ZNF280D: variants seen among roughly 807,000 people sequenced by gnomAD.
ZNF280D encodes zinc finger protein 280D.
ZNF280D carries 39 observed loss-of-function variants against 94.7 expected under a neutral mutation model. The observed-to-expected ratio is 0.41, with a 90% CI of 0.32 to 0.54. The LOEUF (loss-of-function observed/expected upper bound fraction) is 0.54. ZNF280D is among the 20% of genes least tolerant of loss of function. ZNF280D has a pLI of 0.22. For synonymous variants in ZNF280D, 398 were observed against 377.6 expected (o/e 1.05, Z -0.63); for missense variants, 1,090 against 1,149.3 (o/e 0.95, Z 0.75).
chr15:56,717,907 T>C (rs2058133138), intron 1 of ZNF280D, among the ~76,000 whole-genome samples: 1 of 152,020 alleles, frequency 6.6e-6, no homozygotes, highest in Non-Finnish European at 1.5e-5. Context: ...ACAAAACAAT[T>C]AGCAGTTAAA....
chr15:56,733,347 G>T, intron 1 of ZNF280D, 111 bp downstream of exon 1: 1 of 612,330 alleles, frequency 1.6e-6, no homozygotes, highest in Non-Finnish European at 2.0e-6. Flanking sequence ...GACGACCCGC[G>T]CCGGCCTCAA....
Position 56,635,207 on chromosome 15 carries a change from G to T in ZNF280D, c.2303C>A (p.Ser768Ter). 6.4e-7 allele frequency: 1 copy of T among 1,553,422 alleles called. No homozygotes were observed. Among genetic ancestry groups the T allele is most frequent in the Non-Finnish European group, 8.7e-7 (1 of 1,152,194 alleles). ...PNMAERETET[S>*]NSESKQDKAA... is the part of the protein sequence containing the mutation. ...TCCTTATATTTACCTTTCAGAATTT[G>T]ATGTTTCTGTTTCTCTTTCAGCCAT... Residue 768 changes from serine to a stop codon, truncating the protein, a stop_gained, in exon 21 of 22, where the codon TCA becomes TAA. Coordinates refer to ENST00000267807, the MANE Select transcript of ZNF280D (RefSeq NM_017661.4). LOFTEE classifies it low-confidence loss of function (END_TRUNC).
At chr15:56,698,566 T>C (rs1433801030) in intron 6 of ZNF280D, 2 of 152,210 alleles carry the variant, frequency 1.3e-5, no homozygotes, top group Non-Finnish European at 2.9e-5. Context: ...TCATTACCCA[T>C]AATCCCCAGG....
chr15:56,684,316 T>C (rs1375439229), intron 9 of ZNF280D, among the ~76,000 whole-genome samples: 2 of 152,094 alleles, frequency 1.3e-5, no homozygotes, highest in Non-Finnish European at 2.9e-5. Context: ...TACCATGTAA[T>C]AAAAGAAGGC....
chr15:56,637,842 TA>T (rs548373236), intron 20 of ZNF280D, among the ~76,000 whole-genome samples: 13 of 146,636 alleles, frequency 8.9e-5, no homozygotes, highest in East Asian at 2.0e-4. Flanking sequence ...CGAGACAAGT[TA>T]AAAAAAAAAA....
chr15:56,712,544 A>C (rs2057816000), intron 1 of ZNF280D, among the ~76,000 whole-genome samples: 1 of 131,654 alleles, frequency 7.6e-6, no homozygotes, highest in African/African-American at 2.9e-5. Flanking sequence ...CAGTGAGCCG[A>C]GACTGGGCCA....
intron 19 of ZNF280D, among the ~76,000 whole-genome samples, chr15:56,644,533 G>A (rs1183479412): frequency 6.6e-6 from 1 of 151,992 alleles, no homozygotes; most frequent in African/African-American, 2.4e-5. Context: ...AATTCAGTTT[G>A]AAAAACAAAT....
intron 17 of ZNF280D, among the ~76,000 whole-genome samples, chr15:56,655,167 G>A (rs1475831819): frequency 6.6e-6 from 1 of 152,200 alleles, no homozygotes; most frequent in East Asian, 1.9e-4. Context: ...ACTAGCTAAA[G>A]TAGTTAATAA....
rs188525794 is a variant in ZNF280D, at chr15:56,716,947, A to G, written c.-85-9641T>C. ...GCTTCACTTCCTCTGTATTGATTCT[A>G]TCCTCATAAAGGATCTCCATTGAGG... On this transcript the variant is annotated intron_variant, in intron 1 of 21. Coordinates refer to ENST00000267807, the MANE Select transcript of ZNF280D (RefSeq NM_017661.4). 3.4e-4 allele frequency among the ~76,000 whole-genome samples: 52 copies of G among 152,246 alleles called. 1 individual carries two copies. Among genetic ancestry groups the G allele is most frequent in the African/African-American group, 1.1e-3 (47 of 41,558 alleles).
intron 1 of ZNF280D, among the ~76,000 whole-genome samples, chr15:56,713,212 A>G (rs2057865284): frequency 6.6e-6 from 1 of 152,238 alleles, no homozygotes; most frequent in South Asian, 2.1e-4. Flanking sequence ...CCAAAACAAG[A>G]TATGATCAAC....
At chr15:56,700,795 T>G (rs1479204418) in intron 6 of ZNF280D, 138 bp downstream of exon 6, 4 of 1,548,880 alleles carry the variant, frequency 2.6e-6, no homozygotes, top group Non-Finnish European at 3.5e-6. Context: ...GAAAATATGG[T>G]GACATTTTCT....
In ZNF280D at chr15:56,698,339, C is replaced by A. The variant is rs566217575; in HGVS notation, c.381+2594G>T. On this transcript the variant is annotated intron_variant, in intron 6 of 21. Transcript: ENST00000267807. ...ATTATTTATGAACACCACCACCCAT[C>A]AGAAAACTCTTATTCAAAAGCTGCC... is the stretch of plus-strand genomic sequence containing the variant. 1.4e-4 allele frequency: 22 copies of A among 152,286 alleles called. 1 individual carries two copies. The highest frequency in any genetic ancestry group is 5.1e-4 in the African/African-American group (21 of 41,560). The allele number at this position is 152,286 out of a possible 1,614,324, so 9.4% of individuals were successfully genotyped here.
intron 6 of ZNF280D, among the ~76,000 whole-genome samples, chr15:56,696,986 TC>T (rs1339601321): frequency 2.0e-5 from 3 of 152,230 alleles, no homozygotes; most frequent in African/African-American, 7.2e-5. Context: ...TTATTTTTTT[TC>T]CCCATCCTCG....
intron 9 of ZNF280D, among the ~76,000 whole-genome samples, chr15:56,683,239 A>C (rs1460615155): frequency 6.6e-6 from 1 of 152,142 alleles, no homozygotes; most frequent in Non-Finnish European, 1.5e-5. Flanking sequence ...GACAACCAAA[A>C]ATGGACAACA....
intron 19 of ZNF280D, among the ~76,000 whole-genome samples, chr15:56,646,740 T>C (rs749179495): frequency 6.6e-6 from 1 of 152,192 alleles, no homozygotes; most frequent in African/African-American, 2.4e-5. Flanking sequence ...AGCAAATGTT[T>C]ACATTATGAA....
intron 3 of ZNF280D, 152 bp downstream of exon 3, chr15:56,706,930 A>G (rs1453727725): frequency 2.9e-6 from 2 of 678,870 alleles, no homozygotes; most frequent in African/African-American, 1.8e-5. Context: ...TTTTTTATTT[A>G]TATTACTTGT....
chr15:56,653,896 C>G (rs1022817029), intron 19 of ZNF280D: 2 of 1,254,168 alleles, frequency 1.6e-6, no homozygotes, highest in South Asian at 2.7e-5. Context: ...GAATAAGAAT[C>G]TAGTCCCATT....
intron 1 of ZNF280D, among the ~76,000 whole-genome samples, chr15:56,720,982 G>GT (rs2058328995): frequency 8.5e-6 from 1 of 117,088 alleles, no homozygotes; most frequent in Non-Finnish European, 1.8e-5. Context: ...GGGGGGGGGG[G>GT]GACAGAGTCT....
At chr15:56,677,889 T>C (rs769702202) in intron 11 of ZNF280D, among the ~76,000 whole-genome samples, 10 of 152,298 alleles carry the variant, frequency 6.6e-5, no homozygotes, top group Non-Finnish European at 1.2e-4. Context: ...GAAAGGTATT[T>C]CTGTTATCCG....
Sources: gnomAD v4.1 joint callset for allele counts (sites outside exome capture counted in the v4.1 genomes callset) on GRCh38, gnomAD v4.1.1 for gene constraint, MANE v1.5 for transcripts, NCBI Gene and HGNC (gene_info 2026-07-23, HGNC 2026-07-21) for gene names.